Variants in NUP93 observed in about 807,000 individuals in gnomAD.
NUP93 encodes the protein nuclear pore complex protein Nup93.
Under a neutral mutation model 107.8 loss-of-function variants are expected in NUP93, and 55 were observed. The ratio of observed to expected loss-of-function variants is 0.51; its 90% CI spans 0.41 to 0.64. The LOEUF (loss-of-function observed/expected upper bound fraction) is 0.64, where lower values mean the gene tolerates loss of function less well. Ranked by LOEUF, NUP93 falls within the 30% of genes least tolerant of loss-of-function variation. The probability of loss-of-function intolerance (pLI) is 0.00; values close to 1 mark genes in which losing one functional copy is unlikely to be tolerated. For synonymous variants in NUP93, 390 were observed against 397.5 expected (o/e 0.98, Z 0.22); for missense variants, 937 against 1,044.7 (o/e 0.90, Z 1.42).
At chr16:56,804,267 T>C (rs1210222616) in intron 4 of NUP93, among the ~76,000 whole-genome samples, 2 of 152,196 alleles carry the variant, frequency 1.3e-5, no homozygotes, top group African/African-American at 4.8e-5. Context: ...CACCCACGTT[T>C]ATAGCATTAT....
rs765242843 is a variant in NUP93 at position 56,767,324 on chromosome 16, A to T, written c.297+8669A>T. ...AATCTGCTGAGCAGGGCTGGGCGTG[A>T]CACAGCTGCCAAGAAATTATTCAGA... On this transcript the variant is annotated intron_variant, in intron 3 of 21. Coordinates refer to ENST00000308159, the MANE Select transcript of NUP93 (RefSeq NM_014669.5). Among the ~76,000 whole-genome samples, 19 of 152,236 alleles carry T rather than the reference A, an allele frequency of 1.2e-4. 1 individual carries two copies. Among genetic ancestry groups the T allele is most frequent in the South Asian group, 2.1e-4 (1 of 4,834 alleles).
chr16:56,791,452 T>C (rs1962760823), intron 3 of NUP93, among the ~76,000 whole-genome samples: 1 of 152,230 alleles, frequency 6.6e-6, no homozygotes, highest in Non-Finnish European at 1.5e-5. Context: ...AATGTTTTTT[T>C]CACAAAGGCC....
intron 5 of NUP93, among the ~76,000 whole-genome samples, chr16:56,814,440 T>G (rs1963378779): frequency 6.6e-6 from 1 of 152,220 alleles, no homozygotes; most frequent in Non-Finnish European, 1.5e-5. Flanking sequence ...TCCGCCTGCC[T>G]CAGCCTCCCA....
intron 2 of NUP93, among the ~76,000 whole-genome samples, chr16:56,758,175 A>G (rs1351496416): frequency 2.0e-5 from 3 of 152,034 alleles, no homozygotes. Flanking sequence ...ACCTCTTTGT[A>G]CCTTAGTTCT....
At chr16:56,821,681 G>A (rs1032757081) in intron 7 of NUP93, 88 bp downstream of exon 7, 13 of 759,200 alleles carry the variant, frequency 1.7e-5, no homozygotes, top group African/African-American at 7.0e-5. Flanking sequence ...AATGTGCTGC[G>A]GAGACACGCC....
chr16:56,834,301 C>T (rs765099109), intron 14 of NUP93, 47 bp downstream of exon 14: 13 of 1,613,090 alleles, frequency 8.1e-6, no homozygotes, highest in Non-Finnish European at 1.0e-5. Context: ...TCAATTTCTG[C>T]CATTCTGAGA....
chr16:56,808,987 A>G (rs1159910983), intron 5 of NUP93, among the ~76,000 whole-genome samples: 1 of 151,968 alleles, frequency 6.6e-6, no homozygotes, highest in Non-Finnish European at 1.5e-5. Flanking sequence ...GTGTCTTTAT[A>G]CAAGTATATG....
At chr16:56,777,225 C>T (rs371599304) in intron 3 of NUP93, among the ~76,000 whole-genome samples, 1 of 152,192 alleles carries the variant, frequency 6.6e-6, no homozygotes, top group East Asian at 1.9e-4. Context: ...TGGGGAACTA[C>T]TTCTTGAAAA....
intron 17 of NUP93, among the ~76,000 whole-genome samples, chr16:56,837,373 G>A (rs1215473042): frequency 2.0e-5 from 3 of 152,152 alleles, no homozygotes; most frequent in African/African-American, 7.2e-5. Flanking sequence ...GACTAGCCTG[G>A]CCAACATGGC....
At chr16:56,775,861 T>C (rs1163480935) in intron 3 of NUP93, among the ~76,000 whole-genome samples, 1 of 152,160 alleles carries the variant, frequency 6.6e-6, no homozygotes, top group Non-Finnish European at 1.5e-5. Context: ...TGACCTGAAG[T>C]AGGGGTAAAG....
intron 1 of NUP93, among the ~76,000 whole-genome samples, chr16:56,730,949 C>A (rs1465685070): frequency 6.6e-6 from 1 of 152,138 alleles, no homozygotes; most frequent in African/African-American, 2.4e-5. Flanking sequence ...TTTATTTTGA[C>A]CGAGTTGTCT....
chr16:56,839,072 A>G lies in NUP93; in HGVS notation c.2136+3A>G, dbSNP rs1963969334. On this transcript the variant is annotated splice_donor_region_variant and intron_variant, in intron 19 of 21. Transcript: ENST00000308159. ...GTCATATTGATAGAGCTTTTGATGT[A>G]AGTTTCAGGAAAGGTGTTTGAAGTG... 3.1e-6 allele frequency: 5 copies of G among 1,600,680 alleles called. No individual in the cohort carries two copies. The highest frequency in any genetic ancestry group is 3.4e-6 in the Non-Finnish European group (4 of 1,168,416).
intron 7 of NUP93, 39 bp downstream of exon 7, chr16:56,821,632 A>C (rs369763729): frequency 2.1e-6 from 3 of 1,429,956 alleles, no homozygotes; most frequent in Non-Finnish European, 2.9e-6. Flanking sequence ...ACCGGGGTCC[A>C]GTGTTCCGAT....
chr16:56,825,068 T>A (rs1963628788), intron 8 of NUP93, among the ~76,000 whole-genome samples: 1 of 152,084 alleles, frequency 6.6e-6, no homozygotes, highest in South Asian at 2.1e-4. Context: ...GGAATTTTTT[T>A]TTTTTTGTAA....
At chr16:56,816,719 G>A (rs1024429594) in intron 5 of NUP93, among the ~76,000 whole-genome samples, 24 of 151,988 alleles carry the variant, frequency 1.6e-4, no homozygotes, top group African/African-American at 5.8e-4. Context: ...TCTGGAAAAG[G>A]GTATATTCAG....
chr16:56,780,324 G>A lies in NUP93; in HGVS notation c.298-18152G>A, dbSNP rs142709187. On this transcript the variant is annotated intron_variant, in intron 3 of 21. Coordinates refer to ENST00000308159, the MANE Select transcript of NUP93 (RefSeq NM_014669.5). ...AAAGCTCTTCAGCTTTACAGTGCTC[G>A]TTAACACATGCACCTCCAAATTATG... Among the ~76,000 whole-genome samples the A allele has an allele frequency of 4.5e-4, 69 of 152,286 alleles. 1 individual carries two copies. In the Middle Eastern group the frequency reaches 0.031, roughly 68 times the overall value.
At chr16:56,754,546 T>C (rs1375460956) in intron 2 of NUP93, among the ~76,000 whole-genome samples, 1 of 152,210 alleles carries the variant, frequency 6.6e-6, no homozygotes, top group East Asian at 1.9e-4. Context: ...AATGTTCCCA[T>C]TCCAAAAGGG....
intron 3 of NUP93, among the ~76,000 whole-genome samples, chr16:56,796,082 A>G (rs1312484359): frequency 6.6e-6 from 1 of 152,130 alleles, no homozygotes; most frequent in Non-Finnish European, 1.5e-5. Flanking sequence ...AATCTGGGAA[A>G]TCTATAATTA....
Position 56,844,558 on chromosome 16 carries a change from G to A in NUP93, c.2409G>A (p.Thr803=), listed in dbSNP as rs762292902. The change falls in exon 22 of 22, where the codon ACG becomes ACA. Residue 803 remains threonine, a synonymous_variant. Transcript: ENST00000308159. ...ITFAGMIPYR[T]SGDTNARLVQ... is the part of the protein sequence containing the mutation. ...TTGCTGGAATGATACCATACCGAAC[G>A]TCTGGGGACACCAATGCGAGGCTGG... 5.7e-6 allele frequency: 9 copies of A among 1,584,798 alleles called. No homozygotes were observed. Among genetic ancestry groups the A allele is most frequent in the African/African-American group, 1.4e-5 (1 of 73,354 alleles).
Sources: allele counts gnomAD v4.1 joint callset (sites outside exome capture counted in the v4.1 genomes callset), GRCh38; gene constraint gnomAD v4.1.1; transcripts MANE v1.5; gene names NCBI Gene and HGNC (gene_info 2026-07-23, HGNC 2026-07-21).